FSTL4: variants seen among roughly 807,000 people sequenced by gnomAD.
The protein encoded by FSTL4 is follistatin like 4, also known as follistatin-related protein 4.
FSTL4 carries 28 observed loss-of-function variants against 78.2 expected under a neutral mutation model. The ratio of observed to expected loss-of-function variants is 0.36; its 90% CI spans 0.27 to 0.49. The LOEUF (loss-of-function observed/expected upper bound fraction) is 0.49, where lower values mean the gene tolerates loss of function less well. FSTL4 is among the 20% of genes least tolerant of loss of function. The probability of loss-of-function intolerance (pLI) is 0.98; values close to 1 mark genes in which losing one functional copy is unlikely to be tolerated. For synonymous variants in FSTL4, 422 were observed against 440.5 expected, an observed-to-expected ratio of 0.96 and a Z score of 0.53; for missense variants, 922 against 1,084.9, an observed-to-expected ratio of 0.85 and a Z score of 2.11.
chr5:133,712,629 G>A, the FSTL4 span, among the ~76,000 whole-genome samples: 3 of 152,202 alleles, frequency 2.0e-5, no homozygotes, highest in Non-Finnish European at 1.5e-5. Flanking sequence ...AACACAAAAG[G>A]CCTGCAAAGG....
At chr5:133,817,508 G>A in the FSTL4 span, among the ~76,000 whole-genome samples, 1 of 152,190 alleles carries the variant, frequency 6.6e-6, no homozygotes, top group African/African-American at 2.4e-5. Context: ...GAGTCACAAA[G>A]GCAAGAGATA....
the FSTL4 span, among the ~76,000 whole-genome samples, chr5:133,711,928 T>A: frequency 6.6e-6 from 1 of 152,096 alleles, no homozygotes; most frequent in African/African-American, 2.4e-5. Context: ...CACACAGAGA[T>A]GTTGGCTTCA....
intron 2 of FSTL4, among the ~76,000 whole-genome samples, chr5:133,581,027 T>C (rs764808255): frequency 3.3e-5 from 5 of 152,166 alleles, no homozygotes; most frequent in Non-Finnish European, 2.9e-5. Context: ...AAATCATTGG[T>C]TTGGGCTCCC....
At chr5:133,675,449 C>T in the FSTL4 span, among the ~76,000 whole-genome samples, 2 of 152,358 alleles carry the variant, frequency 1.3e-5, no homozygotes, top group Admixed American at 6.5e-5. Flanking sequence ...TGGGTCTGCA[C>T]GGCTGGGCCT....
chr5:133,550,755 A>G (rs1759676033), intron 3 of FSTL4, among the ~76,000 whole-genome samples: 1 of 152,246 alleles, frequency 6.6e-6, no homozygotes, highest in Non-Finnish European at 1.5e-5. Context: ...CTGAATAGTT[A>G]GAGAACACAG....
chr5:133,432,534 C>T (rs1034753776), intron 3 of FSTL4, among the ~76,000 whole-genome samples: 1 of 152,200 alleles, frequency 6.6e-6, no homozygotes, highest in African/African-American at 2.4e-5. Flanking sequence ...AGACTTGAGC[C>T]AGGTGAGGCA....
the FSTL4 span, among the ~76,000 whole-genome samples, chr5:133,679,526 C>T: frequency 6.6e-6 from 1 of 152,118 alleles, no homozygotes. Flanking sequence ...TGAAAGGCCT[C>T]AGAAGGTGTG....
the FSTL4 span, among the ~76,000 whole-genome samples, chr5:133,731,033 A>G: frequency 6.6e-6 from 1 of 152,130 alleles, no homozygotes; most frequent in African/African-American, 2.4e-5. Context: ...GAGAAATCCC[A>G]GGCAGTCTGT....
intron 11 of FSTL4, among the ~76,000 whole-genome samples, chr5:133,223,218 G>A (rs1288891408): frequency 6.6e-6 from 1 of 152,256 alleles, no homozygotes; most frequent in East Asian, 1.9e-4. Context: ...ATCAGCGACT[G>A]TTGCTATTGA....
At chr5:133,259,518 C>CTTTTT (rs3976227) in intron 6 of FSTL4, among the ~76,000 whole-genome samples, 1 of 126,396 alleles carries the variant, frequency 7.9e-6, no homozygotes, top group African/African-American at 3.1e-5. Context: ...ATTTTTTTTT[C>CTTTTT]TTTTTTTTTT....
At chr5:133,370,842 G>C (rs955743222) in intron 4 of FSTL4, among the ~76,000 whole-genome samples, 1 of 152,148 alleles carries the variant, frequency 6.6e-6, no homozygotes, top group African/African-American at 2.4e-5. Context: ...GACTCATTAG[G>C]GTCTAAGGCA....
chr5:133,761,023 A>T, the FSTL4 span, among the ~76,000 whole-genome samples: 1 of 152,222 alleles, frequency 6.6e-6, no homozygotes, highest in East Asian at 1.9e-4. Context: ...GTTAGAGCTA[A>T]GCCGTAATTG....
At chr5:133,537,795 T>TACAC (rs887190103) in intron 3 of FSTL4, among the ~76,000 whole-genome samples, 2 of 151,218 alleles carry the variant, frequency 1.3e-5, no homozygotes, top group African/African-American at 4.9e-5. Flanking sequence ...TATATATATA[T>TACAC]ATACACACAC....
chr5:133,736,825 C>T, the FSTL4 span, among the ~76,000 whole-genome samples: 1 of 152,098 alleles, frequency 6.6e-6, no homozygotes, highest in African/African-American at 2.4e-5. Flanking sequence ...GGACTGCAGC[C>T]TTGTCAGCGT....
the FSTL4 span, among the ~76,000 whole-genome samples, chr5:133,745,763 G>A: frequency 2.6e-5 from 4 of 152,150 alleles, no homozygotes; most frequent in Admixed American, 6.6e-5. Context: ...TTAAAACTAC[G>A]AACTGTCATT....
the FSTL4 span, among the ~76,000 whole-genome samples, chr5:133,781,839 T>A: frequency 6.6e-6 from 1 of 152,254 alleles, no homozygotes. Flanking sequence ...TGTTACACAC[T>A]GATTATCTGA....
At chr5:133,494,506 C>A (rs962635920) in intron 3 of FSTL4, among the ~76,000 whole-genome samples, 3 of 152,192 alleles carry the variant, frequency 2.0e-5, no homozygotes, top group Non-Finnish European at 2.9e-5. Context: ...CGGAGTCCTG[C>A]GCTGAAAGCA....
the FSTL4 span, among the ~76,000 whole-genome samples, chr5:133,752,284 C>T: frequency 6.6e-6 from 1 of 152,180 alleles, no homozygotes; most frequent in African/African-American, 2.4e-5. Context: ...TAAGCCAGCA[C>T]TATGGGCCCC....
At chr5:133,363,005 G>C (rs548208850) in intron 4 of FSTL4, among the ~76,000 whole-genome samples, 2 of 151,952 alleles carry the variant, frequency 1.3e-5, no homozygotes, top group East Asian at 3.9e-4. Flanking sequence ...ATAGCTGTCA[G>C]CCCTTTAGAG....
Sources: allele counts gnomAD v4.1 joint callset (sites outside exome capture counted in the v4.1 genomes callset), GRCh38; gene constraint gnomAD v4.1.1; transcripts MANE v1.5; gene names NCBI Gene and HGNC (gene_info 2026-07-23, HGNC 2026-07-21).